Variants in KIAA1671 observed in about 807,000 individuals in gnomAD.
KIAA1671 encodes KIAA1671.
KIAA1671 carries 52 observed loss-of-function variants against 131.2 expected under a neutral mutation model. The ratio of observed to expected loss-of-function variants is 0.40; its 90% CI spans 0.32 to 0.50. KIAA1671 has a LOEUF of 0.50. Ranked by LOEUF, KIAA1671 falls within the 20% of genes least tolerant of loss-of-function variation. The pLI is 0.73. For missense variants in KIAA1671, 2,360 were observed against 2,364.2 expected, an observed-to-expected ratio of 1.00 and a Z score of 0.04; for synonymous variants, 1,003 against 961.6, an observed-to-expected ratio of 1.04 and a Z score of -0.80.
intron 6 of KIAA1671, among the ~76,000 whole-genome samples, chr22:25,165,993 C>T (rs1933633780): frequency 6.6e-6 from 1 of 152,188 alleles, no homozygotes; most frequent in African/African-American, 2.4e-5. Flanking sequence ...TCCCTAACCC[C>T]AGCCCTTACC....
At chr22:24,997,541 G>A (rs1429063351) in intron 1 of KIAA1671, among the ~76,000 whole-genome samples, 2 of 152,118 alleles carry the variant, frequency 1.3e-5, no homozygotes. Context: ...TGGTATAGGG[G>A]TTGTTGGTGT....
At chr22:25,093,792 C>CTCTCTCTCTCTCTT (rs1930219056) in intron 6 of KIAA1671, among the ~76,000 whole-genome samples, 1 of 101,202 alleles carries the variant, frequency 9.9e-6, no homozygotes, top group Non-Finnish European at 2.2e-5. Flanking sequence ...CTCTCTCTCT[C>CTCTCTCTCTCTCTT]TCTCTCTCTC....
intron 6 of KIAA1671, among the ~76,000 whole-genome samples, chr22:25,160,377 C>G (rs1160680527): frequency 6.6e-6 from 1 of 152,156 alleles, no homozygotes; most frequent in Admixed American, 6.5e-5. Flanking sequence ...GGCTTGGGCA[C>G]CCCTCCACCT....
At chr22:25,055,284 G>C (rs755972478) in intron 6 of KIAA1671, 1 of 149,982 alleles carries the variant, frequency 6.7e-6, no homozygotes, top group Admixed American at 6.6e-5. Flanking sequence ...GGTGGCCCCC[G>C]CCCAAGAACA....
In KIAA1671 at chr22:24,952,935, G is replaced by C. The variant is rs918125693; in HGVS notation, c.-208+163G>C. ...GCAAAGTTGGCCGGGGAAGAGGCGG[G>C]GAGCCGGAGGATTTCCCCAGACTCC... is the stretch of plus-strand genomic sequence containing the variant. On this transcript the variant is annotated intron_variant, in intron 1 of 12. Transcript: ENST00000358431. This position sits in a 1 kb window ranked among gnomAD's most constrained non-coding sequence, Gnocchi z 4.5. 6.6e-6 allele frequency among the ~76,000 whole-genome samples: 1 copy of C among 152,212 alleles called. No individual in the cohort carries two copies. The highest frequency in any genetic ancestry group is 1.5e-5 in the Non-Finnish European group (1 of 68,030).
rs981058711 is a variant in KIAA1671 at position 25,151,100 on chromosome 22, C to T, written c.4531-19720C>T. Among the ~76,000 whole-genome samples, 77 of 151,862 alleles carry T rather than the reference C, an allele frequency of 5.1e-4. 2 individuals carry two copies. ...CCGCCTGCCTCGGCCTCCCAAAGTG[C>T]TGGGATTACAGGCGTGAGCCACTGC... On this transcript the variant is annotated intron_variant, in intron 6 of 12. Coordinates refer to ENST00000358431, the MANE Select transcript of KIAA1671 (RefSeq NM_001145206.2).
chr22:25,148,570 G>A (rs1159054143), intron 6 of KIAA1671, among the ~76,000 whole-genome samples: 1 of 152,244 alleles, frequency 6.6e-6, no homozygotes, highest in Non-Finnish European at 1.5e-5. Flanking sequence ...TCTCGCTGAA[G>A]CAGGACATGA....
intron 1 of KIAA1671, among the ~76,000 whole-genome samples, chr22:24,995,013 T>C (rs1924035637): frequency 6.6e-6 from 1 of 151,014 alleles, no homozygotes; most frequent in Admixed American, 6.6e-5. Context: ...AACTCCAGGC[T>C]CCTGCCTCAT....
intron 1 of KIAA1671, among the ~76,000 whole-genome samples, chr22:25,019,052 G>T (rs1285581115): frequency 3.3e-4 from 11 of 33,680 alleles, no homozygotes; most frequent in Admixed American, 1.0e-3. Context: ...TAGTTGTTTT[G>T]TGTGTGTGTG....
intron 1 of KIAA1671, chr22:25,010,444 G>C (rs1924975825): frequency 6.6e-6 from 1 of 152,184 alleles, no homozygotes; most frequent in African/African-American, 2.4e-5. Context: ...GCCTCCCAAA[G>C]TGCTGGGATT....
At chr22:24,998,826 T>C (rs777824847) in intron 1 of KIAA1671, among the ~76,000 whole-genome samples, 20 of 151,670 alleles carry the variant, frequency 1.3e-4, no homozygotes, top group Non-Finnish European at 4.4e-5. Flanking sequence ...CATCCTATGT[T>C]GGGGACTATC....
At chr22:25,176,220 C>G (rs1392580909) in intron 8 of KIAA1671, 1 of 152,226 alleles carries the variant, frequency 6.6e-6, no homozygotes, top group Non-Finnish European at 1.5e-5. Flanking sequence ...AGTCTCCTCA[C>G]AAGATACCAC....
chr22:24,978,725 C>G (rs1923047060), intron 1 of KIAA1671, among the ~76,000 whole-genome samples: 1 of 152,172 alleles, frequency 6.6e-6, no homozygotes, highest in African/African-American at 2.4e-5. Flanking sequence ...ACTCTGTCAC[C>G]CAGGCTGGAA....
chr22:25,049,168 T>C (rs924506275), intron 5 of KIAA1671, 62 bp from the exon 6 acceptor site: 2 of 1,520,190 alleles, frequency 1.3e-6, no homozygotes, highest in Non-Finnish European at 8.9e-7. Context: ...TGGCATAATA[T>C]ATTTTTTCCT....
At chr22:24,955,031 T>A (rs1004958333) in intron 1 of KIAA1671, among the ~76,000 whole-genome samples, 4 of 152,196 alleles carry the variant, frequency 2.6e-5, no homozygotes, top group Non-Finnish European at 4.4e-5. Flanking sequence ...TCCTCCTGCC[T>A]CCGCCTCCCA....
Position 25,049,612 on chromosome 22 carries a change from G to A in KIAA1671, c.4530+248G>A, listed in dbSNP as rs1927427966. ...TTTCCAGCCCAGCACTGCCTGGCAT[G>A]GAGTGGTTAAGGGAACATAGACTGG... On this transcript the variant is annotated intron_variant, in intron 6 of 12. Coordinates refer to ENST00000358431, the MANE Select transcript of KIAA1671 (RefSeq NM_001145206.2). 3 of 441,614 alleles carry A rather than the reference G, an allele frequency of 6.8e-6. No homozygotes were observed. In the South Asian group the frequency reaches 1.4e-4, roughly 21 times the overall value. The allele number at this position is 441,614 out of a possible 1,614,324, so 27.4% of individuals were successfully genotyped here. A position where few individuals can be genotyped will look rare whatever the true frequency, so the allele number is the denominator to read the frequency against.
In KIAA1671 at chr22:25,069,192, T is replaced by C. The variant is rs186151228; in HGVS notation, c.4530+19828T>C. Reference sequence around the variant, plus strand: ...AGAAGTGATGATACTGCCCTCATGATATGACCATGAAAACTAAACTAGATG... The same window carrying C: ...AGAAGTGATGATACTGCCCTCATGACATGACCATGAAAACTAAACTAGATG... On this transcript the variant is annotated intron_variant, in intron 6 of 12. Transcript: ENST00000358431. 2.6e-5 allele frequency among the ~76,000 whole-genome samples: 4 copies of C among 152,216 alleles called. No individual in the cohort carries two copies. In the East Asian group the frequency reaches 5.8e-4, roughly 22 times the overall value.
chr22:24,980,236 A>G (rs1923155226), intron 1 of KIAA1671, among the ~76,000 whole-genome samples: 1 of 151,148 alleles, frequency 6.6e-6, no homozygotes, highest in African/African-American at 2.4e-5. Context: ...TGCTGTAAAA[A>G]TATCAGTTCA....
At chr22:25,093,768 G>GTCTCTCTCTCTCTCTCTCTC (rs71191028) in intron 6 of KIAA1671, among the ~76,000 whole-genome samples, 2 of 60,744 alleles carry the variant, frequency 3.3e-5, no homozygotes, top group African/African-American at 1.0e-4. Context: ...CTCTCTCTCT[G>GTCTCTCTCTCTCTCTCTCTC]TCTCTCTCTC....
Sources: gnomAD v4.1 joint callset for allele counts (sites outside exome capture counted in the v4.1 genomes callset) on GRCh38, gnomAD v4.1.1 for gene constraint, Gnocchi (gnomAD v3.1) non-coding constraint, MANE v1.5 for transcripts, NCBI Gene and HGNC (gene_info 2026-07-23, HGNC 2026-07-21) for gene names.